USP6: variants seen among roughly 807,000 people sequenced by gnomAD.
USP6 encodes ubiquitin carboxyl-terminal hydrolase 6.
In USP6, 128 loss-of-function variants were observed where a neutral mutation model predicts 175.7. The observed-to-expected ratio is 0.73, with a 90% CI of 0.63 to 0.84. The LOEUF (loss-of-function observed/expected upper bound fraction) is 0.84, where lower values mean the gene tolerates loss of function less well. USP6 is among the 40% of genes least tolerant of loss of function. USP6 has a pLI of 0.00. For synonymous variants in USP6, 562 were observed against 630.6 expected (o/e 0.89, Z 1.63); for missense variants, 1,498 against 1,760.3 (o/e 0.85, Z 2.67).
intron 10 of USP6, 44 bp downstream of exon 10, chr17:5,130,483 G>A (rs751132318): frequency 4.1e-5 from 66 of 1,612,450 alleles, no homozygotes; most frequent in Middle Eastern, 1.6e-4. Context: ...CTTCCAGTGC[G>A]CCCTGGTCAA....
intron 1 of USP6, among the ~76,000 whole-genome samples, chr17:5,117,534 C>A (rs2072564634): frequency 1.4e-5 from 2 of 148,110 alleles, no homozygotes; most frequent in Non-Finnish European, 3.0e-5. Flanking sequence ...AAAAAAAAAG[C>A]TCAATAAATA....
At chr17:5,150,995 T>G (rs1196278635) in intron 30 of USP6, among the ~76,000 whole-genome samples, 2 of 152,292 alleles carry the variant, frequency 1.3e-5, no homozygotes, top group Non-Finnish European at 2.9e-5. Context: ...TCTGTCTTTC[T>G]CTGATAAGGA....
At chr17:5,170,024 C>T (rs2074178900) in intron 35 of USP6, among the ~76,000 whole-genome samples, 1 of 152,082 alleles carries the variant, frequency 6.6e-6, no homozygotes, top group Admixed American at 6.5e-5. Flanking sequence ...GGTTTAAAGC[C>T]TTGCAGGATT....
At chr17:5,163,721 C>T (rs548883554) in intron 33 of USP6, among the ~76,000 whole-genome samples, 3 of 152,310 alleles carry the variant, frequency 2.0e-5, no homozygotes, top group East Asian at 3.9e-4. Flanking sequence ...TAAATATTAT[C>T]GAAGTTGCAG....
rs3786048 is a variant in USP6, at chr17:5,174,857, A to T, written c.*1879A>T. 1,056 of 191,628 alleles carry T rather than the reference A, an allele frequency of 5.5e-3. 14 individuals carry two copies. The highest frequency in any genetic ancestry group is 0.036 in the East Asian group (435 of 11,976). 11.9% of individuals were successfully genotyped at this position (191,628 alleles called of 1,614,324 possible). A position where few individuals can be genotyped will look rare whatever the true frequency, so the allele number is the denominator to read the frequency against. Reference sequence around the variant, plus strand: ...ACTTTAGAAAGATGTTAATGTACATAAATAGAGTGTAAATAAAATAGTGTT... The same window carrying T: ...ACTTTAGAAAGATGTTAATGTACATTAATAGAGTGTAAATAAAATAGTGTT... On this transcript the variant is annotated 3_prime_UTR_variant, in exon 38 of 38. Coordinates refer to ENST00000574788, the MANE Select transcript of USP6 (RefSeq NM_001304284.2).
At chr17:5,145,669 C>T in intron 27 of USP6, 90 bp downstream of exon 27, 1 of 1,434,184 alleles carries the variant, frequency 7.0e-7, no homozygotes, top group Non-Finnish European at 9.2e-7. Context: ...TATTTGTTTA[C>T]AAATAAAGAC....
chr17:5,130,757 A>G (rs1445164089), intron 11 of USP6, 73 bp downstream of exon 11: 2 of 1,573,842 alleles, frequency 1.3e-6, no homozygotes, highest in Admixed American at 1.7e-5. Flanking sequence ...GCTTTTAGAA[A>G]GGCCTTTCTG....
intron 2 of USP6, among the ~76,000 whole-genome samples, chr17:5,119,344 C>G (rs3893993): frequency 0.32 from 48,192 of 152,166 alleles, 9,730 homozygotes; most frequent in Non-Finnish European, 0.45. Context: ...TTGGACATTA[C>G]TACATTAGCT....
rs1341366411 is a variant in USP6 at position 5,146,081 on chromosome 17, A to G, written c.2226A>G (p.Glu742=). ...ATGGACTAAGACTGAATATGGATGA[A>G]AAGTACACAGGTTTAAAAAAACAGC... ...VRYGLRLNMD[E]KYTGLKKQLR... is the part of the protein sequence containing the mutation. The change falls in exon 28 of 38, where the codon GAA becomes GAG. Residue 742 remains glutamate, a synonymous_variant. Transcript: ENST00000574788. The G allele has an allele frequency of 1.2e-6, 2 of 1,613,306 alleles. No individual in the cohort carries two copies. Among genetic ancestry groups the G allele is most frequent in the Non-Finnish European group, 1.7e-6 (2 of 1,179,480 alleles).
chr17:5,123,299 G>A (rs1436934800), intron 4 of USP6, among the ~76,000 whole-genome samples: 3 of 152,030 alleles, frequency 2.0e-5, no homozygotes, highest in African/African-American at 7.2e-5. Context: ...CCGCACCGCC[G>A]GTGGGGGGGT....
chr17:5,160,594 A>G (rs901064382), intron 31 of USP6, among the ~76,000 whole-genome samples: 1 of 152,218 alleles, frequency 6.6e-6, no homozygotes, highest in Non-Finnish European at 1.5e-5. Flanking sequence ...TCCATGGTGT[A>G]TATGTGCCAC....
chr17:5,123,834 C>T (rs1381827586), intron 4 of USP6, among the ~76,000 whole-genome samples: 1 of 152,056 alleles, frequency 6.6e-6, no homozygotes, highest in African/African-American at 2.4e-5. Flanking sequence ...TGCACACATA[C>T]AGAGTTGGTT....
At chr17:5,123,161 CG>C (rs2072754623) in intron 4 of USP6, 2 of 109,750 alleles carry the variant, frequency 1.8e-5, no homozygotes, top group African/African-American at 3.5e-5. Context: ...GCTGGGCGCG[CG>C]GGGGCGTCAT....
intron 35 of USP6, among the ~76,000 whole-genome samples, chr17:5,170,145 G>T (rs1455039752): frequency 6.6e-6 from 1 of 152,188 alleles, no homozygotes; most frequent in Non-Finnish European, 1.5e-5. Flanking sequence ...TTTTACAAAG[G>T]AGAGGAATAT....
intron 33 of USP6, among the ~76,000 whole-genome samples, chr17:5,165,865 C>T (rs1488500322): frequency 6.6e-6 from 1 of 152,138 alleles, no homozygotes; most frequent in African/African-American, 2.4e-5. Context: ...ACTGTCAGTA[C>T]AGTCCACAAA....
At chr17:5,160,740 C>G (rs972349218) in intron 31 of USP6, among the ~76,000 whole-genome samples, 3 of 152,188 alleles carry the variant, frequency 2.0e-5, no homozygotes, top group African/African-American at 7.2e-5. Flanking sequence ...TGGGTATATA[C>G]CCAGTAATGG....
At chr17:5,125,341 G>A (rs1045819798) in intron 5 of USP6, 69 bp downstream of exon 5, 8 of 152,294 alleles carry the variant, frequency 5.3e-5, no homozygotes, top group African/African-American at 1.7e-4. Context: ...CACAATAAAT[G>A]TAATGGGCTT....
rs1369655835 is a variant in USP6 at position 5,174,402 on chromosome 17, G to A, written c.*1424G>A. 1 of 190,926 alleles carries A rather than the reference G, an allele frequency of 5.2e-6. No individual in the cohort carries two copies. The highest frequency in any genetic ancestry group is 8.3e-5 in the East Asian group (1 of 12,066). The allele number at this position is 190,926 out of a possible 1,614,324, so 11.8% of individuals were successfully genotyped here. A position where few individuals can be genotyped will look rare whatever the true frequency, so the allele number is the denominator to read the frequency against. On this transcript the variant is annotated 3_prime_UTR_variant, in exon 38 of 38. Coordinates refer to ENST00000574788, the MANE Select transcript of USP6 (RefSeq NM_001304284.2). ...ATTACCAATGTAACTAAGCATTTGT[G>A]TTCTGATATCTGAGGCCAGTAACTA...
At chr17:5,170,982 A>C in intron 36 of USP6, 67 bp downstream of exon 36, 1 of 1,549,554 alleles carries the variant, frequency 6.5e-7, no homozygotes, top group Non-Finnish European at 8.8e-7. Flanking sequence ...TCATGTATTC[A>C]TCAGCAAGTA....
Sources: allele counts gnomAD v4.1 joint callset (sites outside exome capture counted in the v4.1 genomes callset), GRCh38; gene constraint gnomAD v4.1.1; transcripts MANE v1.5; gene names NCBI Gene and HGNC (gene_info 2026-07-23, HGNC 2026-07-21).